LAMA4: variants seen among roughly 807,000 people sequenced by gnomAD.
LAMA4 encodes the protein laminin subunit alpha-4.
LAMA4 carries 127 observed loss-of-function variants against 207.1 expected under a neutral mutation model. The ratio of observed to expected loss-of-function variants is 0.61; its 90% CI spans 0.53 to 0.71. The LOEUF (loss-of-function observed/expected upper bound fraction) is 0.71, where lower values mean the gene tolerates loss of function less well. LAMA4 is among the 30% of genes least tolerant of loss of function. The pLI, the probability that LAMA4 is intolerant of heterozygous loss-of-function variation, is 0.00. For missense variants in LAMA4, 2,093 were observed against 2,246.5 expected (o/e 0.93, Z 1.38); for synonymous variants, 761 against 816.0 (o/e 0.93, Z 1.15).
At chr6:112,175,225 T>G in intron 11 of LAMA4, 88 bp downstream of exon 11, 1 of 1,286,550 alleles carries the variant, frequency 7.8e-7, no homozygotes, top group Admixed American at 1.7e-5. Flanking sequence ...TTGCTTTGAT[T>G]ATATGTTGCC....
chr6:112,217,373 C>A, intron 2 of LAMA4, among the ~76,000 whole-genome samples: 1 of 152,140 alleles, frequency 6.6e-6, no homozygotes, highest in East Asian at 1.9e-4. Flanking sequence ...CGCTCCCCGC[C>A]CATCAGACAA....
intron 10 of LAMA4, among the ~76,000 whole-genome samples, chr6:112,177,482 G>T (rs1368535686): frequency 6.6e-6 from 1 of 152,162 alleles, no homozygotes; most frequent in Admixed American, 6.5e-5. Context: ...GCTGTTTTCT[G>T]CTGGTAAATT....
chr6:112,242,639 T>C (rs2114387226), intron 2 of LAMA4, among the ~76,000 whole-genome samples: 1 of 152,258 alleles, frequency 6.6e-6, no homozygotes, highest in East Asian at 1.9e-4. Context: ...GACCACACTT[T>C]CAGTAGCAAT....
chr6:112,168,858 C>T (rs1288721670), intron 12 of LAMA4, among the ~76,000 whole-genome samples: 2 of 152,000 alleles, frequency 1.3e-5, no homozygotes, highest in South Asian at 2.1e-4. Flanking sequence ...AATGAGTAGG[C>T]GAGGCACTCT....
rs1782753776 is a variant in LAMA4, at chr6:112,187,465, G to T, written c.951C>A (p.Thr317=). The T allele has an allele frequency of 3.1e-6, 5 of 1,614,088 alleles. No homozygotes were observed. Among genetic ancestry groups the T allele is most frequent in the Non-Finnish European group, 4.2e-6 (5 of 1,180,018 alleles). The change falls in exon 8 of 39, where the codon ACC becomes ACA. Residue 317 remains threonine, a synonymous_variant. Transcript: ENST00000230538. ...AHRHVNEINA[T]IYLLKTKLSE... is the part of the protein sequence containing the mutation. ...TCCTGCGTACTTTGAGGAGGTAGAT[G>T]GTGGCGTTGATTTCATTCACGTGCC...
chr6:112,229,416 T>C (rs1384771295), intron 2 of LAMA4, among the ~76,000 whole-genome samples: 2 of 152,162 alleles, frequency 1.3e-5, no homozygotes, highest in Admixed American at 1.3e-4. Context: ...TCCTCCAACA[T>C]CCTGAACTCA....
chr6:112,241,373 T>A (rs9387064), intron 2 of LAMA4, among the ~76,000 whole-genome samples: 151,638 of 151,638 alleles, frequency 1, 75,819 homozygotes, highest in Non-Finnish European at 1. Flanking sequence ...ATATACCACT[T>A]ATTTAAATGT....
intron 16 of LAMA4, chr6:112,154,649 A>T: frequency 1.7e-6 from 1 of 580,086 alleles, no homozygotes. Context: ...GTAGTTTACT[A>T]CATAGCATTT....
chr6:112,191,030 C>T (rs368725775), intron 6 of LAMA4, among the ~76,000 whole-genome samples: 1 of 150,868 alleles, frequency 6.6e-6, no homozygotes, highest in African/African-American at 2.4e-5. Context: ...AAGAATCTCT[C>T]TGTCACACAG....
rs1554324815 is a variant in LAMA4 at position 112,118,588 on chromosome 6, T to C, written c.4821+568A>G. On this transcript the variant is annotated intron_variant, in intron 34 of 38. Coordinates refer to ENST00000230538, the MANE Select transcript of LAMA4 (RefSeq NM_001105206.3). The surrounding 1 kb of genome is among the most constrained non-coding windows in gnomAD (Gnocchi z 4.6). ...TTAGTCCTTTGATGCATTCCTTTTA[T>C]TGCTAAATTTTTTATAAGTGCAATA... 1.3e-5 allele frequency among the ~76,000 whole-genome samples: 2 copies of C among 152,198 alleles called. No homozygotes were observed.
chr6:112,109,348 A>C lies in LAMA4; in HGVS notation c.*89T>G. 2 of 1,412,010 alleles carry C rather than the reference A, an allele frequency of 1.4e-6. No homozygotes were observed. The highest frequency in any genetic ancestry group is 9.9e-7 in the Non-Finnish European group (1 of 1,006,954). The allele number at this position is 1,412,010 out of a possible 1,614,324, so 87.5% of individuals were successfully genotyped here. A position where few individuals can be genotyped will look rare whatever the true frequency, so the allele number is the denominator to read the frequency against. On this transcript the variant is annotated 3_prime_UTR_variant, in exon 39 of 39. Transcript: ENST00000230538. The stretch of plus-strand genomic sequence containing the variant: ...TCAACTCGATGAAAGCTTCCACCCG[A>C]AGGAAGAGTTACTGTTCCTCCTGGC...
chr6:112,109,734 G>T, intron 38 of LAMA4, 152 bp from the exon 39 acceptor site: 1 of 845,816 alleles, frequency 1.2e-6, no homozygotes, highest in Non-Finnish European at 1.8e-6. Flanking sequence ...TCATTTCTCA[G>T]TAACATTATT....
chr6:112,132,931 A>G lies in LAMA4; in HGVS notation c.3697-41T>C. On this transcript the variant is annotated intron_variant, in intron 27 of 38. Transcript: ENST00000230538. Reference sequence around the variant, plus strand: ...AGTGGAGATAGTGTTTTTGAGAATTATCAAATGCTTAAAACTATCAATGTT... The same window carrying G: ...AGTGGAGATAGTGTTTTTGAGAATTGTCAAATGCTTAAAACTATCAATGTT... 1.9e-6 allele frequency: 3 copies of G among 1,597,058 alleles called. No homozygotes were observed. The South Asian group carries it at 3.3e-5, about 18-fold the overall frequency.
rs73766941 is a variant in LAMA4, at chr6:112,141,288, G to A, written c.2813+70C>T. 6.1e-3 allele frequency: 7,927 copies of A among 1,309,402 alleles called. 224 individuals are homozygous for A. The East Asian group carries it at 0.081, about 13-fold the overall frequency. 81.1% of individuals were successfully genotyped at this position (1,309,402 alleles called of 1,614,324 possible). ...TGTGTATGTGTGTGTGTGTGTGCAC[G>A]CACATGTGCACGTTCAACAGGTTTC... On this transcript the variant is annotated intron_variant, in intron 21 of 38. Coordinates refer to ENST00000230538, the MANE Select transcript of LAMA4 (RefSeq NM_001105206.3).
rs781852462 is a variant in LAMA4, at chr6:112,201,701, G to A, written c.423-13C>T. ...GGATTCTGCAAAACTAAAATTGGAA[G>A]CAAATATTGGAAGTCAATTCCATAC... On this transcript the variant is annotated splice_polypyrimidine_tract_variant and intron_variant, in intron 4 of 38. Transcript: ENST00000230538. 2 of 1,609,054 alleles carry A rather than the reference G, an allele frequency of 1.2e-6. No homozygotes were observed. Among genetic ancestry groups the A allele is most frequent in the Non-Finnish European group, 1.7e-6 (2 of 1,175,590 alleles).
chr6:112,207,537 C>A (rs79579991), intron 3 of LAMA4, among the ~76,000 whole-genome samples: 10,284 of 151,048 alleles, frequency 0.068, 462 homozygotes, highest in South Asian at 0.11. Flanking sequence ...AACCAACCAA[C>A]CAAACAAACA....
intron 12 of LAMA4, among the ~76,000 whole-genome samples, chr6:112,167,632 A>G (rs1477028965): frequency 6.6e-6 from 1 of 152,200 alleles, no homozygotes; most frequent in Non-Finnish European, 1.5e-5. Flanking sequence ...ATGAAATAAG[A>G]GTATTTGTGA....
chr6:112,109,368 C>A lies in LAMA4; in HGVS notation c.*69G>T. On this transcript the variant is annotated 3_prime_UTR_variant, in exon 39 of 39. Transcript: ENST00000230538. Reference sequence around the variant, plus strand: ...ACCCGAAGGAAGAGTTACTGTTCCTCCTGGCTGGCTTTGTGTTTCTTTCAG... The same window carrying A: ...ACCCGAAGGAAGAGTTACTGTTCCTACTGGCTGGCTTTGTGTTTCTTTCAG... 1.3e-6 allele frequency: 2 copies of A among 1,570,078 alleles called. No individual in the cohort carries two copies. Among genetic ancestry groups the A allele is most frequent in the Non-Finnish European group, 1.7e-6 (2 of 1,144,560 alleles).
Position 112,180,655 on chromosome 6 carries a change from A to G in LAMA4, c.1078-2423T>C, listed in dbSNP as rs148419467. On this transcript the variant is annotated intron_variant, in intron 9 of 38. Transcript: ENST00000230538. ...AAAGTGGCAAGGATGTCTTGGTAAT[A>G]TAGTACATAAAAGGTAGATGACGTG... Among the ~76,000 whole-genome samples, 13 of 152,342 alleles carry G rather than the reference A, an allele frequency of 8.5e-5. No individual in the cohort carries two copies. The East Asian group carries it at 2.1e-3, about 25-fold the overall frequency.
Sources: gnomAD v4.1 joint callset for allele counts (sites outside exome capture counted in the v4.1 genomes callset) on GRCh38, gnomAD v4.1.1 for gene constraint, Gnocchi (gnomAD v3.1) non-coding constraint, MANE v1.5 for transcripts, NCBI Gene and HGNC (gene_info 2026-07-23, HGNC 2026-07-21) for gene names.